NXPE1: variants seen among roughly 807,000 people sequenced by gnomAD.
NXPE1 encodes NXPE family member 1.
A neutral mutation model predicts 33.3 loss-of-function variants in NXPE1; 31 were observed. The ratio of observed to expected loss-of-function variants is 0.93; its 90% confidence interval spans 0.70 to 1.26. The LOEUF (loss-of-function observed/expected upper bound fraction) is 1.26. Ranked by LOEUF, NXPE1 falls within the 50% of genes most tolerant of loss-of-function variation. The pLI is 0.00. For synonymous variants in NXPE1, 229 were observed against 231.4 expected (o/e 0.99, Z 0.09); for missense variants, 661 against 655.6 (o/e 1.01, Z -0.09).
At chr11:114,527,855 C>T (rs759005061) in exon 7 of NXPE1, 1 of 1,607,390 alleles carries the variant, frequency 6.2e-7, no homozygotes, top group Non-Finnish European at 8.5e-7. Flanking sequence ...CAATTAGTGA[C>T]ATCAATGTGT....
exon 6 of NXPE1, chr11:114,530,565 A>T: frequency 6.2e-7 from 1 of 1,613,944 alleles, no homozygotes; most frequent in Non-Finnish European, 8.5e-7. Context: ...ACCTGCCGTC[A>T]GTGCTGGGGA....
chr11:114,541,847 AAT>A lies in NXPE1; in HGVS notation c.99+9254_99+9255del, dbSNP rs532745132. Reference sequence around the variant, plus strand: ...AGAACCAAACAATATCTGAGATAAAAATATATCTCTTAATTCACTATGCTAAA... The same window carrying A: ...AGAACCAAACAATATCTGAGATAAAAATATCTCTTAATTCACTATGCTAAA... On this transcript the variant is annotated intron_variant, in intron 5 of 8. Coordinates refer to ENST00000534921, the Ensembl canonical transcript of NXPE1. Among the ~76,000 whole-genome samples, 26 of 152,330 alleles carry A rather than the reference AAT, an allele frequency of 1.7e-4. No individual in the cohort carries two copies. The South Asian group carries it at 5.4e-3, about 32-fold the overall frequency.
chr11:114,530,855 T>C (rs524911), exon 6 of NXPE1: 557,629 of 1,613,618 alleles, frequency 0.35, 98,987 homozygotes, highest in East Asian at 0.63. Context: ...ATAAGGACTT[T>C]GCGGAGTTGT....
intron 7 of NXPE1, among the ~76,000 whole-genome samples, chr11:114,526,953 G>A (rs541800243): frequency 9.9e-5 from 15 of 152,194 alleles, no homozygotes; most frequent in East Asian, 3.9e-4. Context: ...CTGACTACAC[G>A]TATCCTTCAG....
chr11:114,519,937 T>G (rs11215032), downstream of NXPE1, among the ~76,000 whole-genome samples: 30,510 of 141,536 alleles, frequency 0.22, 5,383 homozygotes, highest in African/African-American at 0.48. Flanking sequence ...TGTAGCCCAG[T>G]CTGGAGTGCA....
chr11:114,530,037 G>T, intron 6 of NXPE1, 138 bp downstream of exon 6: 1 of 839,044 alleles, frequency 1.2e-6, no homozygotes, highest in Non-Finnish European at 1.8e-6. Flanking sequence ...GTGAGTAGAG[G>T]CCCCAAGAAG....
chr11:114,545,076 GAGAATGT>G (rs1276776609), intron 5 of NXPE1, among the ~76,000 whole-genome samples: 1 of 152,168 alleles, frequency 6.6e-6, no homozygotes, highest in Non-Finnish European at 1.5e-5. Context: ...AGTTGCTGGT[GAGAATGT>G]AGAGCAGTAG....
At chr11:114,558,666 G>C (rs1391213500) in intron 1 of NXPE1, among the ~76,000 whole-genome samples, 3 of 152,130 alleles carry the variant, frequency 2.0e-5, no homozygotes, top group Non-Finnish European at 4.4e-5. Flanking sequence ...TCCTGTTATG[G>C]ACTTAAGCTG....
At chr11:114,523,205 CT>C in intron 7 of NXPE1, 114 bp from the exon 8 acceptor site, 1 of 706,512 alleles carries the variant, frequency 1.4e-6, no homozygotes, top group Non-Finnish European at 2.4e-6. Context: ...TGCCTATTTC[CT>C]TTTTCTGTCC....
intron 5 of NXPE1, among the ~76,000 whole-genome samples, chr11:114,533,217 T>G (rs1342131025): frequency 1.3e-5 from 2 of 152,166 alleles, no homozygotes; most frequent in African/African-American, 4.8e-5. Flanking sequence ...GTTAGCAAAT[T>G]ATTAGTATTA....
At chr11:114,550,471 G>T (rs1452082701) in intron 5 of NXPE1, among the ~76,000 whole-genome samples, 1 of 152,104 alleles carries the variant, frequency 6.6e-6, no homozygotes, top group Non-Finnish European at 1.5e-5. Flanking sequence ...CATCAGTGAG[G>T]ATATAGAATG....
At chr11:114,532,553 T>C (rs981660287) in intron 5 of NXPE1, among the ~76,000 whole-genome samples, 3 of 152,108 alleles carry the variant, frequency 2.0e-5, no homozygotes, top group Non-Finnish European at 4.4e-5. Context: ...TATTGGTGAG[T>C]ACAGACATCC....
intron 5 of NXPE1, among the ~76,000 whole-genome samples, chr11:114,548,230 G>A (rs1948346734): frequency 2.6e-5 from 4 of 152,058 alleles, no homozygotes; most frequent in Admixed American, 6.6e-5. Flanking sequence ...TTCACTTTAA[G>A]GATAGCCACA....
intron 1 of NXPE1, among the ~76,000 whole-genome samples, chr11:114,555,669 C>T (rs1948632146): frequency 6.6e-6 from 1 of 152,162 alleles, no homozygotes; most frequent in Non-Finnish European, 1.5e-5. Flanking sequence ...CTGTGCATGC[C>T]CCGCTGCCCA....
At chr11:114,531,525 A>G (rs1295444167) in intron 5 of NXPE1, among the ~76,000 whole-genome samples, 1 of 152,114 alleles carries the variant, frequency 6.6e-6, no homozygotes, top group Non-Finnish European at 1.5e-5. Flanking sequence ...GCAAAACTCT[A>G]TTTGTGTCAT....
intron 1 of NXPE1, among the ~76,000 whole-genome samples, chr11:114,555,679 A>G (rs930492195): frequency 2.0e-5 from 3 of 152,186 alleles, no homozygotes; most frequent in African/African-American, 7.2e-5. Flanking sequence ...CCCGCTGCCC[A>G]TGCCTAACGT....
At position 114,522,923 on chromosome 11, in the gene NXPE1, G is replaced by A. The variant is rs369017531; in HGVS notation, c.1064C>T (p.Ser355Phe). ...GTAGTAGATCCACTGACGTAGTGTA[G>A]AGTCTCCCAGGAGGTAAATGAGTTT... The change falls in exon 8 of 9, where the codon TCT becomes TTT. Residue 355 changes from serine to phenylalanine, a missense_variant. Physicochemically the swap from Ser to Phe is radical, Grantham distance 155. Coordinates refer to ENST00000534921, the Ensembl canonical transcript of NXPE1. 54 of 1,613,488 alleles carry A rather than the reference G, an allele frequency of 3.3e-5. No individual in the cohort carries two copies. In the African/African-American group the frequency reaches 6.1e-4, roughly 18 times the overall value.
intron 5 of NXPE1, among the ~76,000 whole-genome samples, chr11:114,536,768 T>G (rs1242158169): frequency 2.6e-5 from 4 of 151,936 alleles, no homozygotes; most frequent in Admixed American, 1.3e-4. Context: ...AATAACAGGC[T>G]CTGAAATTGA....
chr11:114,535,422 C>T (rs1051618301), intron 5 of NXPE1, among the ~76,000 whole-genome samples: 1 of 152,180 alleles, frequency 6.6e-6, no homozygotes, highest in Non-Finnish European at 1.5e-5. Flanking sequence ...ATCAAATTCA[C>T]ACATAACAAT....
Sources: gnomAD v4.1 joint callset for allele counts (sites outside exome capture counted in the v4.1 genomes callset) on GRCh38, gnomAD v4.1.1 for gene constraint, MANE v1.5 for transcripts, NCBI Gene and HGNC (gene_info 2026-07-23, HGNC 2026-07-21) for gene names.